The following KIF16B variants were observed in gnomAD, a reference collection of about 807,000 sequenced individuals.
KIF16B encodes the protein kinesin-like protein KIF16B.
A neutral mutation model predicts 156.3 loss-of-function variants in KIF16B; 98 were observed. The ratio of observed to expected loss-of-function variants is 0.63; its 90% CI spans 0.53 to 0.74. KIF16B has a LOEUF of 0.74. Ranked by LOEUF, KIF16B falls within the 30% of genes least tolerant of loss-of-function variation. The pLI is 0.00. For synonymous variants in KIF16B, 564 were observed against 583.7 expected, an observed-to-expected ratio of 0.97 and a Z score of 0.49; for missense variants, 1,421 against 1,606.5, an observed-to-expected ratio of 0.88 and a Z score of 1.97.
chr20:16,387,892 G>A (rs2065266961), intron 17 of KIF16B, among the ~76,000 whole-genome samples: 1 of 152,064 alleles, frequency 6.6e-6, no homozygotes, highest in African/African-American at 2.4e-5. Flanking sequence ...GGAAGTACGT[G>A]TATTAAGGGA....
In KIF16B at chr20:16,573,216, C is replaced by T. The variant is rs750303906; in HGVS notation, c.47+13G>A. 4.4e-6 allele frequency: 7 copies of T among 1,578,628 alleles called. No individual in the cohort carries two copies. In the Admixed American group the frequency reaches 8.9e-5, roughly 20 times the overall value. On this transcript the variant is annotated intron_variant, in intron 1 of 25. Transcript: ENST00000354981. ...GCGCGACGAGGGGGCGGGGCGCGGG[C>T]GGCCCCACTCACCTGCGATTCATGG... is the stretch of plus-strand genomic sequence containing the variant.
intron 17 of KIF16B, among the ~76,000 whole-genome samples, chr20:16,387,891 T>C (rs1449510751): frequency 9.3e-6 from 1 of 107,760 alleles, no homozygotes. Flanking sequence ...GGGAAGTACG[T>C]GTATTAAGGG....
chr20:16,525,011 T>C (rs1023902252), intron 3 of KIF16B, among the ~76,000 whole-genome samples: 3 of 151,966 alleles, frequency 2.0e-5, no homozygotes, highest in Admixed American at 1.3e-4. Flanking sequence ...GAACATCACA[T>C]ACCAAAGCCT....
intron 1 of KIF16B, among the ~76,000 whole-genome samples, chr20:16,552,709 A>G (rs2070712127): frequency 6.6e-6 from 1 of 152,202 alleles, no homozygotes; most frequent in Non-Finnish European, 1.5e-5. Context: ...TTATGACACC[A>G]GCATATTATT....
intron 25 of KIF16B, among the ~76,000 whole-genome samples, chr20:16,287,680 A>G (rs1382882313): frequency 6.6e-6 from 1 of 152,220 alleles, no homozygotes; most frequent in Admixed American, 6.5e-5. Context: ...TTACAGGGTG[A>G]CGTCCTTGCT....
intron 3 of KIF16B, among the ~76,000 whole-genome samples, chr20:16,519,973 G>T (rs923563822): frequency 4.6e-5 from 7 of 152,130 alleles, no homozygotes; most frequent in African/African-American, 1.7e-4. Context: ...TGCCGTGAGG[G>T]ATGGTGCATT....
chr20:16,460,490 G>A (rs2067317218), intron 12 of KIF16B, among the ~76,000 whole-genome samples: 1 of 152,022 alleles, frequency 6.6e-6, no homozygotes, highest in African/African-American at 2.4e-5. Context: ...AGAATTGCTT[G>A]AACCCGGGTT....
In KIF16B at chr20:16,273,324, G is replaced by A; in HGVS notation, c.3883C>T (p.His1295Tyr). The part of the protein sequence containing the change: ...INKVGLTLSK[H>Y]TICEFSPFFK... ...AATGGTGAAAACTCACAAATGGTAT[G>A]TTTCGAGAGAGTCAGTCCCACTTTG... Residue 1295 changes from histidine (H) to tyrosine (Y), a missense_variant, in exon 26 of 26, where the codon CAT becomes TAT. Coordinates refer to ENST00000354981, the MANE Select transcript of KIF16B (RefSeq NM_024704.5). 2 of 1,613,778 alleles carry A rather than the reference G, an allele frequency of 1.2e-6. No individual in the cohort carries two copies. Among genetic ancestry groups the A allele is most frequent in the Non-Finnish European group, 1.7e-6 (2 of 1,179,660 alleles).
intron 2 of KIF16B, among the ~76,000 whole-genome samples, chr20:16,527,420 T>G (rs934834474): frequency 1.5e-4 from 23 of 152,198 alleles, no homozygotes; most frequent in African/African-American, 5.3e-4. Flanking sequence ...GAGCCATAAA[T>G]TAATAGAAAT....
intron 23 of KIF16B, among the ~76,000 whole-genome samples, chr20:16,342,855 G>C (rs185935056): frequency 1.3e-5 from 2 of 152,278 alleles, no homozygotes; most frequent in East Asian, 1.9e-4. Flanking sequence ...TATGATCACG[G>C]CACAGAAAAA....
intron 15 of KIF16B, among the ~76,000 whole-genome samples, chr20:16,414,846 A>G (rs1016277364): frequency 6.6e-6 from 1 of 152,132 alleles, no homozygotes; most frequent in East Asian, 1.9e-4. Flanking sequence ...CAATTCTTCA[A>G]CTTTATGATG....
At chr20:16,524,322 T>G (rs1451835327) in intron 3 of KIF16B, among the ~76,000 whole-genome samples, 1 of 151,810 alleles carries the variant, frequency 6.6e-6, no homozygotes, top group Non-Finnish European at 1.5e-5. Context: ...TTAAACAAAT[T>G]TACAAGAAAA....
chr20:16,501,788 A>C (rs1418796368), intron 10 of KIF16B, among the ~76,000 whole-genome samples: 1 of 152,192 alleles, frequency 6.6e-6, no homozygotes, highest in Non-Finnish European at 1.5e-5. Context: ...TAAAGAACAA[A>C]AACAGGCAAA....
intron 4 of KIF16B, among the ~76,000 whole-genome samples, chr20:16,514,885 C>CAAAAAAAAAAAAAAAAAA (rs10564862): frequency 3.3e-5 from 2 of 60,754 alleles, no homozygotes; most frequent in South Asian, 5.1e-4. Context: ...GATTCCATCT[C>CAAAAAAAAAAAAAAAAAA]AAAAAAAAAA....
chr20:16,448,894 GA>G (rs1202368061), intron 12 of KIF16B, among the ~76,000 whole-genome samples: 2 of 151,950 alleles, frequency 1.3e-5, no homozygotes, highest in Admixed American at 1.3e-4. Flanking sequence ...GAGAGAGAGA[GA>G]GAGAGAGGGA....
chr20:16,320,086 A>AT (rs1408444670), intron 24 of KIF16B, among the ~76,000 whole-genome samples: 1 of 152,140 alleles, frequency 6.6e-6, no homozygotes, highest in Non-Finnish European at 1.5e-5. Context: ...TACAGCTGAA[A>AT]TAACTGTAAG....
chr20:16,331,051 C>T (rs1214688929), intron 24 of KIF16B, among the ~76,000 whole-genome samples: 1 of 152,184 alleles, frequency 6.6e-6, no homozygotes, highest in Non-Finnish European at 1.5e-5. Context: ...TGATTCTTGT[C>T]CTGTGTCCTT....
intron 1 of KIF16B, among the ~76,000 whole-genome samples, chr20:16,541,454 G>A (rs534805939): frequency 2.6e-5 from 4 of 152,326 alleles, no homozygotes; most frequent in African/African-American, 7.2e-5. Flanking sequence ...CAGTACGGAA[G>A]TACGGATGAG....
At chr20:16,301,451 G>T (rs1271062988) in intron 25 of KIF16B, among the ~76,000 whole-genome samples, 1 of 152,148 alleles carries the variant, frequency 6.6e-6, no homozygotes, top group African/African-American at 2.4e-5. Flanking sequence ...ATTCTCACCA[G>T]CAATGAATGA....
Sources: allele counts gnomAD v4.1 joint callset (sites outside exome capture counted in the v4.1 genomes callset), GRCh38; gene constraint gnomAD v4.1.1; transcripts MANE v1.5; gene names NCBI Gene and HGNC (gene_info 2026-07-23, HGNC 2026-07-21).